The following RMST variants were observed in gnomAD, a reference collection of about 807,000 sequenced individuals.
RMST encodes rhabdomyosarcoma 2 associated transcript.
chr12:97,502,922 C>T (rs1878250359), intron 10 of RMST, among the ~76,000 whole-genome samples: 1 of 152,184 alleles, frequency 6.6e-6, no homozygotes, highest in Non-Finnish European at 1.5e-5. Context: ...CTTCCTTGGG[C>T]TCTTTTGATT....
At chr12:97,563,059 G>T (rs886282218) in intron 13 of RMST, among the ~76,000 whole-genome samples, 2 of 152,156 alleles carry the variant, frequency 1.3e-5, no homozygotes, top group African/African-American at 4.8e-5. Context: ...ACAGAGAATT[G>T]GGTTTCAGCA....
chr12:97,564,467 T>C (rs1413168993), exon 14 of RMST: 1 of 152,896 alleles, frequency 6.5e-6, no homozygotes, highest in Non-Finnish European at 1.5e-5. Flanking sequence ...GGAGTTGCAT[T>C]CTAATCTCTC....
At chr12:97,488,016 G>A (rs1372168223) in intron 5 of RMST, among the ~76,000 whole-genome samples, 1 of 152,128 alleles carries the variant, frequency 6.6e-6, no homozygotes, top group Admixed American at 6.5e-5. Flanking sequence ...GAGACTTTCG[G>A]CAGAAGGCTG....
chr12:97,549,659 T>C (rs951359916), intron 11 of RMST, among the ~76,000 whole-genome samples: 4 of 152,216 alleles, frequency 2.6e-5, no homozygotes, highest in South Asian at 4.1e-4. Context: ...AACATGCTTT[T>C]CACAAACTCA....
At chr12:97,520,674 AG>A (rs1353350818) in intron 10 of RMST, among the ~76,000 whole-genome samples, 1 of 152,162 alleles carries the variant, frequency 6.6e-6, no homozygotes, top group African/African-American at 2.4e-5. Context: ...TTGCTTTATA[AG>A]GGACTACCAG....
chr12:97,501,597 G>C (rs1457024210), intron 10 of RMST, among the ~76,000 whole-genome samples: 1 of 152,168 alleles, frequency 6.6e-6, no homozygotes, highest in Non-Finnish European at 1.5e-5. Flanking sequence ...AAACATTTCT[G>C]GTTAGTTCCC....
chr12:97,468,049 C>A (rs1873407687), intron 5 of RMST, among the ~76,000 whole-genome samples: 1 of 151,950 alleles, frequency 6.6e-6, no homozygotes, highest in Non-Finnish European at 1.5e-5. Context: ...CAGGGAGGGG[C>A]CCTCTTAGAT....
intron 5 of RMST, among the ~76,000 whole-genome samples, chr12:97,467,808 T>C (rs1240838384): frequency 6.6e-6 from 1 of 152,024 alleles, no homozygotes; most frequent in African/African-American, 2.4e-5. Flanking sequence ...TTGCCTGAAT[T>C]TGGGAGAGGC....
intron 11 of RMST, chr12:97,533,750 G>A (rs1302734239): frequency 3.3e-5 from 5 of 151,866 alleles, no homozygotes; most frequent in South Asian, 2.1e-4. Flanking sequence ...TGATAATAAA[G>A]GTTCTCTTCC....
intron 11 of RMST, among the ~76,000 whole-genome samples, chr12:97,559,481 T>G (rs149770849): frequency 4.8e-4 from 73 of 152,306 alleles, no homozygotes; most frequent in African/African-American, 1.4e-3. Flanking sequence ...ACTGATATCC[T>G]GTGGGATTCC....
intron 11 of RMST, among the ~76,000 whole-genome samples, chr12:97,548,407 T>C (rs189762043): frequency 6.6e-6 from 1 of 152,122 alleles, no homozygotes; most frequent in African/African-American, 2.4e-5. Flanking sequence ...AATTTTAGGA[T>C]TTTTTTCTGT....
At chr12:97,492,945 T>C (rs1263745851) in intron 6 of RMST, 2 of 152,200 alleles carry the variant, frequency 1.3e-5, no homozygotes, top group African/African-American at 4.8e-5. Context: ...TAAATGCTAT[T>C]TGCAATATAA....
chr12:97,512,521 T>G (rs2136520616), intron 10 of RMST, among the ~76,000 whole-genome samples: 1 of 152,160 alleles, frequency 6.6e-6, no homozygotes, highest in Non-Finnish European at 1.5e-5. Context: ...GACACAAAGG[T>G]TCTCCACGTC....
At chr12:97,496,934 TCTGA>T (rs1420760344) in intron 10 of RMST, among the ~76,000 whole-genome samples, 2 of 152,224 alleles carry the variant, frequency 1.3e-5, no homozygotes, top group Non-Finnish European at 2.9e-5. Flanking sequence ...AGACTAAAGT[TCTGA>T]GATGTGTCAG....
chr12:97,503,428 T>C (rs1593195549), intron 10 of RMST, among the ~76,000 whole-genome samples: 1 of 151,620 alleles, frequency 6.6e-6, no homozygotes, highest in African/African-American at 2.4e-5. Flanking sequence ...AACACTCCCT[T>C]TCTATTATTG....
At chr12:97,536,335 T>C (rs1021549281) in intron 11 of RMST, among the ~76,000 whole-genome samples, 9 of 151,594 alleles carry the variant, frequency 5.9e-5, no homozygotes, top group Non-Finnish European at 1.3e-4. Context: ...CTCCTTTTCT[T>C]ATGAGAATAA....
At chr12:97,479,028 C>G (rs1422623480) in intron 5 of RMST, among the ~76,000 whole-genome samples, 1 of 151,964 alleles carries the variant, frequency 6.6e-6, no homozygotes, top group Non-Finnish European at 1.5e-5. Context: ...ATGCCCTCTC[C>G]CTTGTCCTGG....
At chr12:97,538,522 T>C (rs1882260902) in intron 11 of RMST, among the ~76,000 whole-genome samples, 1 of 151,284 alleles carries the variant, frequency 6.6e-6, no homozygotes, top group South Asian at 2.1e-4. Context: ...GACCCATCTT[T>C]CCTTTCCCAA....
At chr12:97,529,723 C>T (rs1012837226) in intron 10 of RMST, among the ~76,000 whole-genome samples, 1 of 152,036 alleles carries the variant, frequency 6.6e-6, no homozygotes, top group African/African-American at 2.4e-5. Context: ...AATATTGTTA[C>T]ATCATTTTGT....
Sources: gnomAD v4.1 joint callset for allele counts (sites outside exome capture counted in the v4.1 genomes callset) on GRCh38, gnomAD v4.1.1 for gene constraint, MANE v1.5 for transcripts, NCBI Gene and HGNC (gene_info 2026-07-23, HGNC 2026-07-21) for gene names.